CDH12: variants seen among roughly 807,000 people sequenced by gnomAD.
CDH12 encodes the protein cadherin-12.
CDH12 carries 41 observed loss-of-function variants against 74.1 expected under a neutral mutation model. The ratio of observed to expected loss-of-function variants is 0.55; its 90% CI spans 0.43 to 0.72. The LOEUF (loss-of-function observed/expected upper bound fraction) is 0.72, where lower values mean the gene tolerates loss of function less well. Ranked by LOEUF, CDH12 falls within the 30% of genes least tolerant of loss-of-function variation. The pLI is 0.00. For missense variants in CDH12, 945 were observed against 977.2 expected (o/e 0.97, Z 0.44); for synonymous variants, 399 against 355.0 (o/e 1.12, Z -1.39).
intron 3 of CDH12, among the ~76,000 whole-genome samples, chr5:22,361,916 T>C (rs1740822100): frequency 6.6e-6 from 1 of 152,112 alleles, no homozygotes; most frequent in Non-Finnish European, 1.5e-5. Context: ...TTACACCTTA[T>C]ACAAAAATTA....
chr5:22,760,542 G>A (rs1047152964), intron 1 of CDH12, among the ~76,000 whole-genome samples: 3 of 151,880 alleles, frequency 2.0e-5, no homozygotes, highest in African/African-American at 7.3e-5. Context: ...AGCTGGGCAT[G>A]GTGGTGGCTG....
Position 22,078,431 on chromosome 5 carries a change from G to T in CDH12, c.231+15C>A. ...CCTTCCTATCAAGCGGTTGTCAAAAGAAATACGCCATTACCTTTCCCACAT... is the reference window on the plus strand; with the variant it reads ...CCTTCCTATCAAGCGGTTGTCAAAATAAATACGCCATTACCTTTCCCACAT... On this transcript the variant is annotated intron_variant, in intron 5 of 14. Transcript: ENST00000382254. 1.2e-6 allele frequency: 2 copies of T among 1,610,314 alleles called. No individual in the cohort carries two copies. The highest frequency in any genetic ancestry group is 1.1e-5 in the South Asian group (1 of 91,026).
At chr5:22,023,283 A>T (rs1738108445) in intron 5 of CDH12, among the ~76,000 whole-genome samples, 1 of 152,068 alleles carries the variant, frequency 6.6e-6, no homozygotes. Context: ...CTGCAATAAG[A>T]TGTATGCCAC....
chr5:22,184,915 T>C (rs1580371836), intron 4 of CDH12, among the ~76,000 whole-genome samples: 1 of 152,166 alleles, frequency 6.6e-6, no homozygotes, highest in East Asian at 1.9e-4. Flanking sequence ...TAAACTTCTG[T>C]CATGGGGGTT....
chr5:21,806,706 C>T (rs1747445549), intron 9 of CDH12, among the ~76,000 whole-genome samples: 2 of 152,136 alleles, frequency 1.3e-5, no homozygotes. Flanking sequence ...GGCCCAAGAG[C>T]CTATATCTCC....
At chr5:22,473,248 A>G (rs183616920) in intron 2 of CDH12, among the ~76,000 whole-genome samples, 2 of 152,246 alleles carry the variant, frequency 1.3e-5, no homozygotes, top group African/African-American at 4.8e-5. Flanking sequence ...CCATATAAAG[A>G]GATCTCCATT....
chr5:22,643,768 T>C (rs1580845775), intron 1 of CDH12, among the ~76,000 whole-genome samples: 1 of 116,274 alleles, frequency 8.6e-6, no homozygotes, highest in Non-Finnish European at 1.8e-5. Flanking sequence ...TTTCCACAAA[T>C]TGATGGTTTG....
intron 4 of CDH12, among the ~76,000 whole-genome samples, chr5:22,098,558 G>T (rs367570812): frequency 2.0e-5 from 3 of 152,166 alleles, no homozygotes; most frequent in African/African-American, 7.2e-5. Context: ...ACTCGCTACA[G>T]TTCTCATAAC....
chr5:22,130,313 T>C (rs1480339516), intron 4 of CDH12, among the ~76,000 whole-genome samples: 1 of 151,626 alleles, frequency 6.6e-6, no homozygotes, highest in Non-Finnish European at 1.5e-5. Context: ...ACTTAAAAAG[T>C]TGAGAATCAC....
intron 1 of CDH12, among the ~76,000 whole-genome samples, chr5:22,839,901 C>T (rs960320953): frequency 6.6e-6 from 1 of 152,152 alleles, no homozygotes; most frequent in Admixed American, 6.5e-5. Flanking sequence ...AATTTATCCT[C>T]TACCACCATT....
chr5:22,785,733 G>A (rs1269313480), intron 1 of CDH12, among the ~76,000 whole-genome samples: 3 of 152,030 alleles, frequency 2.0e-5, no homozygotes, highest in African/African-American at 7.2e-5. Flanking sequence ...GCCAAGGCTG[G>A]TTTTGAACTC....
At chr5:22,295,628 T>C (rs2150416093) in intron 3 of CDH12, among the ~76,000 whole-genome samples, 1 of 151,990 alleles carries the variant, frequency 6.6e-6, no homozygotes, top group East Asian at 1.9e-4. Context: ...TTTGAACAAA[T>C]ATGTGTTACA....
chr5:21,756,381 A>G (rs1744398082), intron 13 of CDH12, among the ~76,000 whole-genome samples: 1 of 152,160 alleles, frequency 6.6e-6, no homozygotes, highest in Non-Finnish European at 1.5e-5. Flanking sequence ...GGAATAAGAA[A>G]CATGGAAAGG....
chr5:22,494,973 A>G (rs180934778), intron 2 of CDH12, among the ~76,000 whole-genome samples: 1 of 152,200 alleles, frequency 6.6e-6, no homozygotes, highest in Non-Finnish European at 1.5e-5. Flanking sequence ...TAATTAAACT[A>G]TCAAAAGGCT....
chr5:22,112,054 G>A (rs1269762299), intron 4 of CDH12, among the ~76,000 whole-genome samples: 1 of 151,700 alleles, frequency 6.6e-6, no homozygotes, highest in African/African-American at 2.4e-5. Context: ...ATTATTTAGA[G>A]GCCATTCAAG....
At chr5:22,110,080 G>A (rs2150259316) in intron 4 of CDH12, among the ~76,000 whole-genome samples, 1 of 152,248 alleles carries the variant, frequency 6.6e-6, no homozygotes. Flanking sequence ...TATTTCCCTA[G>A]GCTTCAATCT....
At chr5:22,346,037 G>C (rs1205351924) in intron 3 of CDH12, among the ~76,000 whole-genome samples, 2 of 150,258 alleles carry the variant, frequency 1.3e-5, no homozygotes, top group African/African-American at 4.9e-5. Flanking sequence ...ACCCGGGAGG[G>C]AGAGGTTGCA....
chr5:21,925,752 C>T (rs954322587), intron 6 of CDH12, among the ~76,000 whole-genome samples: 19 of 151,896 alleles, frequency 1.3e-4, no homozygotes, highest in East Asian at 5.8e-4. Context: ...TTTTATATTA[C>T]GGGACATTGT....
At chr5:22,789,092 C>T (rs1747785013) in intron 1 of CDH12, among the ~76,000 whole-genome samples, 1 of 150,154 alleles carries the variant, frequency 6.7e-6, no homozygotes, top group Admixed American at 6.6e-5. Context: ...TGAAATTGGC[C>T]TAAAATAAAA....
Sources: gnomAD v4.1 joint callset for allele counts (sites outside exome capture counted in the v4.1 genomes callset) on GRCh38, gnomAD v4.1.1 for gene constraint, MANE v1.5 for transcripts, NCBI Gene and HGNC (gene_info 2026-07-23, HGNC 2026-07-21) for gene names.